The following MRGPRX1 variants were observed in gnomAD, a reference collection of about 807,000 sequenced individuals.
MRGPRX1 encodes mas-related G protein-coupled receptor member X1.
For synonymous variants in MRGPRX1, 208 were observed against 170.4 expected (o/e 1.22, Z -1.72); for missense variants, 411 against 393.8 (o/e 1.04, Z -0.37).
At chr11:18,936,132 G>A (rs11826944) in intron 1 of MRGPRX1, among the ~76,000 whole-genome samples, 1 of 151,358 alleles carries the variant, frequency 6.6e-6, no homozygotes, top group African/African-American at 2.4e-5. Context: ...TTCATTCTGG[G>A]ACTTATATAG....
intron 1 of MRGPRX1, among the ~76,000 whole-genome samples, chr11:18,938,911 A>C (rs1326366195): frequency 6.6e-6 from 1 of 151,610 alleles, no homozygotes; most frequent in East Asian, 1.9e-4. Context: ...CAGGCAAGGA[A>C]TAATAATTTA....
rs569920820 is a variant in MRGPRX1, at chr11:18,934,452, G to A, written c.333C>T (p.Ser111=). The part of the protein sequence containing the change: ...VMMFSYFAGL[S]FLSAVSTERC... ...GCTCGGTGCTCACGGCACTCAGAAA[G>A]CTCAGGCCTGCAAAGTAGGAAAACA... The change falls in exon 2 of 2, where the codon AGC becomes AGT. Residue 111 remains serine (S), a synonymous_variant. Transcript: ENST00000526914. The A allele has an allele frequency of 1.6e-5, 26 of 1,610,612 alleles. No individual in the cohort carries two copies. The Admixed American group carries it at 1.7e-4, about 10-fold the overall frequency.
intron 1 of MRGPRX1, among the ~76,000 whole-genome samples, chr11:18,937,514 C>A (rs1489416044): frequency 6.6e-6 from 1 of 151,532 alleles, no homozygotes; most frequent in Non-Finnish European, 1.5e-5. Flanking sequence ...CATTAAATCA[C>A]TTCTAAGTTA....
chr11:18,936,926 T>C (rs868329815), intron 1 of MRGPRX1, among the ~76,000 whole-genome samples: 3 of 151,518 alleles, frequency 2.0e-5, no homozygotes, highest in Non-Finnish European at 4.4e-5. Context: ...CTCTGCCGCA[T>C]GATTCATTAT....
At position 18,934,005 on chromosome 11, in the gene MRGPRX1, C is replaced by T. The variant is rs753442408; in HGVS notation, c.780G>A (p.Leu260=). ...FCHVHLVSIF[L]SALNSSANPI... is the part of the protein sequence containing the mutation. ...GGTTGGCACTGCTGTTAAGAGCGGA[C>T]AGGAAAATAGAAACTAGATGAACAT... is the stretch of plus-strand genomic sequence containing the variant. Residue 260 remains leucine (L), a synonymous_variant, in exon 2 of 2, where the codon CTG becomes CTA. Coordinates refer to ENST00000526914, the MANE Select transcript of MRGPRX1 (RefSeq NM_001393578.1). The T allele has an allele frequency of 1.2e-5, 19 of 1,610,786 alleles. 1 individual carries two copies. Among genetic ancestry groups the T allele is most frequent in the Non-Finnish European group, 1.6e-5 (19 of 1,178,230 alleles).
rs143286037 is a variant in MRGPRX1, at chr11:18,934,216, A to G, written c.569T>C (p.Val190Ala). 7.6e-5 allele frequency: 122 copies of G among 1,610,134 alleles called. No individual in the cohort carries two copies. Among genetic ancestry groups the G allele is most frequent in the East Asian group, 5.4e-4 (24 of 44,728 alleles). Residue 190 changes from valine (V) to alanine (A), a missense_variant, in exon 2 of 2, where the codon GTT becomes GCT. Coordinates refer to ENST00000526914, the MANE Select transcript of MRGPRX1 (RefSeq NM_001393578.1). ...TVAWLIFLCV[V>A]LCGSSLVLLI... The stretch of plus-strand genomic sequence containing the variant: ...CAGGACCAGGCTGGACCCACAGAGA[A>G]CCACACATAAAAAAATCAGCCACGC...
At chr11:18,937,624 T>A (rs1848851294) in intron 1 of MRGPRX1, among the ~76,000 whole-genome samples, 1 of 151,412 alleles carries the variant, frequency 6.6e-6, no homozygotes, top group Non-Finnish European at 1.5e-5. Context: ...ACCTGTTCAG[T>A]ACATGCACAC....
Position 18,938,701 on chromosome 11 carries a change from G to A in MRGPRX1, c.-26+579C>T, listed in dbSNP as rs779265480. On this transcript the variant is annotated intron_variant, in intron 1 of 1. Transcript: ENST00000526914. ...CTATGGCTACAGCTATGGCTATGGC[G>A]ACAATGGTAACTGCTCCTTCCTTCT... 7.5e-4 allele frequency among the ~76,000 whole-genome samples: 113 copies of A among 151,574 alleles called. 4 individuals are homozygous for A. The highest frequency in any genetic ancestry group is 1.4e-3 in the Non-Finnish European group (92 of 67,782).
In MRGPRX1 at chr11:18,933,823, T is replaced by C. The variant is rs1336090411; in HGVS notation, c.962A>G (p.Glu321Gly). The C allele has an allele frequency of 3.1e-6, 5 of 1,607,008 alleles. No homozygotes were observed. The highest frequency in any genetic ancestry group is 4.3e-6 in the Non-Finnish European group (5 of 1,176,422). ...EILELSGSRLEQ is the reference protein window; with the variant it reads ...EILELSGSRLGQ ...CAGGGCAGAGGCTCTTCCTCACTGCTCCAATCTGCTTCCCGACAGCTCCAG... is the reference window on the plus strand; with the variant it reads ...CAGGGCAGAGGCTCTTCCTCACTGCCCCAATCTGCTTCCCGACAGCTCCAG... The change falls in exon 2 of 2, where the codon GAG (glutamate) becomes GGG (glycine). Residue 321 changes from glutamate (E) to glycine (G), a missense_variant. Physicochemically the swap from Glu to Gly is moderately conservative, Grantham distance 98 (BLOSUM62 -2). Coordinates refer to ENST00000526914, the MANE Select transcript of MRGPRX1 (RefSeq NM_001393578.1).
rs1231866283 is a variant in MRGPRX1 at position 18,936,237 on chromosome 11, C to T, written c.-25-1428G>A. On this transcript the variant is annotated intron_variant, in intron 1 of 1. Coordinates refer to ENST00000526914, the MANE Select transcript of MRGPRX1 (RefSeq NM_001393578.1). ...TCTGTGTCGATTATACATGTTAGAG[C>T]GGGTAAAGGAGAGGAGGGATTCTCA... Among the ~76,000 whole-genome samples the T allele has an allele frequency of 4.7e-5, 7 of 149,556 alleles. 1 individual carries two copies. Among genetic ancestry groups the T allele is most frequent in the African/African-American group, 1.7e-4 (7 of 40,696 alleles).
In MRGPRX1 at chr11:18,934,649, C is replaced by A; in HGVS notation, c.136G>T (p.Ala46Ser). The A allele has an allele frequency of 6.2e-7, 1 of 1,606,922 alleles. No individual in the cohort carries two copies. The highest frequency in any genetic ancestry group is 8.5e-7 in the Non-Finnish European group (1 of 1,176,784). Residue 46 changes from alanine to serine, a missense_variant, in exon 2 of 2, where the codon GCA becomes TCA. Ala to Ser is a moderately conservative substitution (Grantham distance 99). Transcript: ENST00000526914. Reference protein sequence around the residue: ...IVSLVGLTGNAVVLWLLGCRM... With the variant: ...IVSLVGLTGNSVVLWLLGCRM... ...CAGCCCAGGAGCCAGAGCACAACTG[C>A]GTTTCCTGTCAGCCCGACAAGGGAA...
At position 18,933,811 on chromosome 11, in the gene MRGPRX1, C is replaced by T. The variant is rs573792870; in HGVS notation, c.*5G>A. ...AGTCCTGTCTGACAGGGCAGAGGCTCTTCCTCACTGCTCCAATCTGCTTCC... is the reference window on the plus strand; with the variant it reads ...AGTCCTGTCTGACAGGGCAGAGGCTTTTCCTCACTGCTCCAATCTGCTTCC... On this transcript the variant is annotated 3_prime_UTR_variant, in exon 2 of 2. Transcript: ENST00000526914. 2.5e-6 allele frequency: 4 copies of T among 1,601,890 alleles called. No individual in the cohort carries two copies. In the African/African-American group the frequency reaches 4.0e-5, roughly 16 times the overall value.
At position 18,934,044 on chromosome 11, in the gene MRGPRX1, T is replaced by C. The variant is rs918258423; in HGVS notation, c.741A>G (p.Glu247=). 9 of 1,610,634 alleles carry C rather than the reference T, an allele frequency of 5.6e-6. 1 individual carries two copies. The highest frequency in any genetic ancestry group is 7.6e-6 in the Non-Finnish European group (9 of 1,178,182). Residue 247 remains glutamate (E), a synonymous_variant, in exon 2 of 2, where the codon GAA becomes GAG. Transcript: ENST00000526914. ...CTAGATGAACATGACAAAATAAGAC[T>C]TCCCTGTCCACGTGGATCCATAAAA... is the stretch of plus-strand genomic sequence containing the variant. The part of the protein sequence containing the change: ...FLFLWIHVDR[E]VLFCHVHLVS...
rs752624994 is a variant in MRGPRX1, at chr11:18,934,441, G to A, written c.344C>T (p.Ala115Val). 6.2e-7 allele frequency: 1 copy of A among 1,610,572 alleles called. No homozygotes were observed. Among genetic ancestry groups the A allele is most frequent in the Non-Finnish European group, 8.5e-7 (1 of 1,178,090 alleles). The change falls in exon 2 of 2, where the codon GCC becomes GTC. Residue 115 changes from alanine (A) to valine (V), a missense_variant. By Grantham distance (64) the Ala-to-Val change is moderately conservative (BLOSUM62 0). Coordinates refer to ENST00000526914, the MANE Select transcript of MRGPRX1 (RefSeq NM_001393578.1). ...GGACAGGCAGCGCTCGGTGCTCACG[G>A]CACTCAGAAAGCTCAGGCCTGCAAA... Reference protein sequence around the residue: ...SYFAGLSFLSAVSTERCLSVL... With the variant: ...SYFAGLSFLSVVSTERCLSVL...
At chr11:18,937,903 T>A (rs1049892765) in intron 1 of MRGPRX1, among the ~76,000 whole-genome samples, 1 of 151,604 alleles carries the variant, frequency 6.6e-6, no homozygotes, top group Non-Finnish European at 1.5e-5. Context: ...AACATTAAAG[T>A]AGTCTGAAAG....
At chr11:18,937,141 A>C (rs931404697) in intron 1 of MRGPRX1, among the ~76,000 whole-genome samples, 1 of 151,498 alleles carries the variant, frequency 6.6e-6, no homozygotes, top group Non-Finnish European at 1.5e-5. Context: ...TGAAAGATGC[A>C]CAAAAGTGAT....
At chr11:18,934,836 C>T in intron 1 of MRGPRX1, 27 bp from the exon 2 acceptor site, 4 of 1,517,048 alleles carry the variant, frequency 2.6e-6, no homozygotes, top group Admixed American at 2.2e-5. Context: ...GTTGTGATCA[C>T]CAGCTGTATG....
chr11:18,938,704 A>C (rs1469049950), intron 1 of MRGPRX1, among the ~76,000 whole-genome samples: 1 of 151,430 alleles, frequency 6.6e-6, no homozygotes, highest in East Asian at 1.9e-4. Context: ...CTATGGCGAC[A>C]ATGGTAACTG....
rs1848826064 is a variant in MRGPRX1 at position 18,934,710 on chromosome 11, C to CT, written c.74dup (p.Gln26AlafsTer71). The CT allele has an allele frequency of 6.2e-7, 1 of 1,609,048 alleles. No homozygotes were observed. The highest frequency in any genetic ancestry group is 2.2e-5 in the East Asian group (1 of 44,790). The stretch of plus-strand genomic sequence containing the variant: ...TCAGCACCGTGAGGCTCAAGGTCTG[C>CT]TTGTAGCAAAGAGTCTCCTCAGTTC... On this transcript the variant is annotated frameshift_variant, in exon 2 of 2. Coordinates refer to ENST00000526914, the MANE Select transcript of MRGPRX1 (RefSeq NM_001393578.1). LOFTEE classifies it low-confidence loss of function (END_TRUNC).
Sources: gnomAD v4.1 joint callset for allele counts (sites outside exome capture counted in the v4.1 genomes callset) on GRCh38, gnomAD v4.1.1 for gene constraint, MANE v1.5 for transcripts, NCBI Gene and HGNC (gene_info 2026-07-23, HGNC 2026-07-21) for gene names.